Variants in KCNT2 observed in about 807,000 individuals in gnomAD.
KCNT2 encodes the protein potassium channel subfamily T member 2.
KCNT2 carries 67 observed loss-of-function variants against 153.8 expected under a neutral mutation model. The observed-to-expected ratio is 0.44, with a 90% CI of 0.36 to 0.53. KCNT2 has a LOEUF of 0.53. KCNT2 is among the 20% of genes least tolerant of loss of function. The pLI is 0.00. For missense variants in KCNT2, 975 were observed against 1,354.8 expected (o/e 0.72, Z 4.40); for synonymous variants, 500 against 458.8 (o/e 1.09, Z -1.15).
At chr1:196,425,687 T>G (rs1673597033) in intron 11 of KCNT2, among the ~76,000 whole-genome samples, 165 bp downstream of exon 11, 1 of 151,958 alleles carries the variant, frequency 6.6e-6, no homozygotes, top group African/African-American at 2.4e-5. Context: ...TATGATATAT[T>G]TTTGACCTTT....
At chr1:196,294,418 G>A (rs984592283) in intron 22 of KCNT2, among the ~76,000 whole-genome samples, 2 of 152,022 alleles carry the variant, frequency 1.3e-5, no homozygotes, top group African/African-American at 4.8e-5. Flanking sequence ...TGGGATTACA[G>A]ACACGCGCCA....
intron 8 of KCNT2, among the ~76,000 whole-genome samples, chr1:196,432,427 G>A (rs944592055): frequency 6.6e-6 from 1 of 152,086 alleles, no homozygotes; most frequent in Non-Finnish European, 1.5e-5. Flanking sequence ...CCCCAACTCC[G>A]TAAACGCTGC....
chr1:196,274,581 T>C (rs1658378695), intron 25 of KCNT2, among the ~76,000 whole-genome samples: 2 of 151,710 alleles, frequency 1.3e-5, no homozygotes, highest in Non-Finnish European at 3.0e-5. Flanking sequence ...CTTAATAATA[T>C]ATTTTAAAAG....
intron 21 of KCNT2, among the ~76,000 whole-genome samples, chr1:196,310,100 T>C (rs1262407425): frequency 6.6e-6 from 1 of 151,822 alleles, no homozygotes; most frequent in African/African-American, 2.4e-5. Context: ...AAACTAGCTG[T>C]ATTTGTATCA....
intron 13 of KCNT2, among the ~76,000 whole-genome samples, chr1:196,391,687 T>A (rs150148664): frequency 1.3e-5 from 2 of 151,440 alleles, no homozygotes; most frequent in East Asian, 3.9e-4. Flanking sequence ...TTTGCAATAT[T>A]TAAATTTTTA....
rs138229744 is a variant in KCNT2 at position 196,396,878 on chromosome 1, G to A, written c.1294+1685C>T. Among the ~76,000 whole-genome samples the A allele has an allele frequency of 4.8e-3, 720 of 151,016 alleles. 4 individuals are homozygous for A. The highest frequency in any genetic ancestry group is 0.016 in the African/African-American group (650 of 41,282). On this transcript the variant is annotated intron_variant, in intron 13 of 27. Coordinates refer to ENST00000294725, the MANE Select transcript of KCNT2 (RefSeq NM_198503.5). Reference sequence around the variant, plus strand: ...ACTTTTTCAGCAAATTTGATCTCTCGATGGAAGCATACCAACGGCGTGCTA... The same window carrying A: ...ACTTTTTCAGCAAATTTGATCTCTCAATGGAAGCATACCAACGGCGTGCTA...
intron 12 of KCNT2, among the ~76,000 whole-genome samples, chr1:196,409,847 A>G (rs1196081698): frequency 6.6e-6 from 1 of 151,450 alleles, no homozygotes; most frequent in Non-Finnish European, 1.5e-5. Context: ...TGGCAATTCT[A>G]TTTTAGGTTT....
At chr1:196,590,275 T>A (rs1486952474) in intron 1 of KCNT2, among the ~76,000 whole-genome samples, 1 of 152,158 alleles carries the variant, frequency 6.6e-6, no homozygotes, top group East Asian at 1.9e-4. Flanking sequence ...ATTTAAAATA[T>A]GCCAAATGAG....
At chr1:196,277,063 T>G (rs140247669) in intron 25 of KCNT2, among the ~76,000 whole-genome samples, 4 of 152,322 alleles carry the variant, frequency 2.6e-5, no homozygotes, top group African/African-American at 9.6e-5. Flanking sequence ...GCATTTCCTC[T>G]TTCTTGAAAT....
chr1:196,329,373 G>C (rs567796685), intron 18 of KCNT2, among the ~76,000 whole-genome samples: 11 of 152,102 alleles, frequency 7.2e-5, no homozygotes, highest in African/African-American at 2.7e-4. Context: ...ATATGGTAAA[G>C]AGACAGTTAA....
chr1:196,234,661 T>C (rs771855651), intron 27 of KCNT2, among the ~76,000 whole-genome samples: 2 of 151,384 alleles, frequency 1.3e-5, no homozygotes, highest in Non-Finnish European at 3.0e-5. Context: ...TCCACAAAAC[T>C]GACAACATAT....
intron 18 of KCNT2, among the ~76,000 whole-genome samples, chr1:196,329,950 CATATATATATAT>C (rs71154737): frequency 1.2e-4 from 9 of 73,540 alleles, no homozygotes; most frequent in Non-Finnish European, 1.7e-4. Context: ...TTCCTCAAGA[CATATATATATAT>C]ATATATATAT....
At chr1:196,236,793 C>T (rs1318303338) in intron 26 of KCNT2, among the ~76,000 whole-genome samples, 1 of 151,400 alleles carries the variant, frequency 6.6e-6, no homozygotes, top group African/African-American at 2.4e-5. Flanking sequence ...GTTGACCCTG[C>T]ATTACATAGG....
intron 1 of KCNT2, among the ~76,000 whole-genome samples, chr1:196,543,957 C>T (rs539068942): frequency 0.23 from 957 of 4,192 alleles, 13 homozygotes; most frequent in African/African-American, 0.24. Flanking sequence ...TTCATAGCAG[C>T]TTTGTAATAG....
intron 7 of KCNT2, 31 bp downstream of exon 7, chr1:196,467,672 T>C (rs1572554450): frequency 7.4e-7 from 1 of 1,349,794 alleles, no homozygotes; most frequent in Non-Finnish European, 1.0e-6. Context: ...TTAAAAATAT[T>C]TTCATATTTG....
intron 1 of KCNT2, among the ~76,000 whole-genome samples, chr1:196,566,061 G>A (rs1029289607): frequency 4.0e-5 from 6 of 151,698 alleles, no homozygotes; most frequent in Non-Finnish European, 8.8e-5. Flanking sequence ...TATTGTAAAC[G>A]ATAAATATAT....
intron 1 of KCNT2, among the ~76,000 whole-genome samples, chr1:196,601,987 C>T (rs1226557357): frequency 1.3e-5 from 2 of 151,808 alleles, no homozygotes; most frequent in Non-Finnish European, 2.9e-5. Context: ...AATTCAATTG[C>T]TAATGATTAA....
intron 21 of KCNT2, among the ~76,000 whole-genome samples, chr1:196,310,878 T>C (rs1662110113): frequency 6.6e-6 from 1 of 151,854 alleles, no homozygotes; most frequent in Non-Finnish European, 1.5e-5. Context: ...GAACATACTT[T>C]ACAAAGCCAT....
chr1:196,300,548 T>G (rs1316453147), intron 22 of KCNT2, among the ~76,000 whole-genome samples: 1 of 152,096 alleles, frequency 6.6e-6, no homozygotes, highest in Non-Finnish European at 1.5e-5. Context: ...GGCAATGTCC[T>G]CATATCTGAA....
Sources: allele counts gnomAD v4.1 joint callset (sites outside exome capture counted in the v4.1 genomes callset), GRCh38; gene constraint gnomAD v4.1.1; transcripts MANE v1.5; gene names NCBI Gene and HGNC (gene_info 2026-07-23, HGNC 2026-07-21).